Variants in TLX3 observed in about 807,000 individuals in gnomAD.
TLX3 encodes T cell leukemia homeobox 3, also known as T-cell leukemia homeobox protein 3.
In TLX3, 11 loss-of-function variants were observed where a neutral mutation model predicts 19.6. The ratio of observed to expected loss-of-function variants is 0.56; its 90% confidence interval spans 0.35 to 0.93. The LOEUF is 0.93. TLX3 is among the 40% of genes least tolerant of loss of function. The pLI is 0.01. For missense variants in TLX3, 375 were observed against 418.6 expected (o/e 0.90, Z 0.91); for synonymous variants, 221 against 188.1 (o/e 1.17, Z -1.43).
rs1015348665 is a variant in TLX3, at chr5:171,311,035, A to C, written c.666-354A>C. 1.3e-5 allele frequency among the ~76,000 whole-genome samples: 2 copies of C among 151,882 alleles called. No individual in the cohort carries two copies. Among genetic ancestry groups the C allele is most frequent in the African/African-American group, 4.8e-5 (2 of 41,340 alleles). The stretch of plus-strand genomic sequence containing the variant: ...GCAGAGCCAGCCTGCTCACCCGCGG[A>C]CCCCAGCGACCCCGGTTCCCGCAGG... On this transcript the variant is annotated intron_variant, in intron 2 of 2. Transcript: ENST00000296921. This position sits in a 1 kb window ranked among gnomAD's most constrained non-coding sequence, Gnocchi z 5.1.
At chr5:171,309,861 C>T in intron 1 of TLX3, 75 bp downstream of exon 1, 1 of 1,462,890 alleles carries the variant, frequency 6.8e-7, no homozygotes, top group Non-Finnish European at 9.0e-7. Flanking sequence ...GTGCGCTCCA[C>T]TCCCGGAAAC....
chr5:171,311,381 C>G lies in TLX3; in HGVS notation c.666-8C>G, dbSNP rs1446380804. The G allele has an allele frequency of 1.3e-6, 2 of 1,548,796 alleles. No homozygotes were observed. The highest frequency in any genetic ancestry group is 1.7e-6 in the Non-Finnish European group (2 of 1,146,786). On this transcript the variant is annotated splice_polypyrimidine_tract_variant and splice_region_variant and intron_variant, in intron 2 of 2. Coordinates refer to ENST00000296921, the MANE Select transcript of TLX3 (RefSeq NM_021025.4). This position sits in a 1 kb window ranked among gnomAD's most constrained non-coding sequence, Gnocchi z 5.1. ...GACGGTACTGTCCCTCTCCCTCCCC[C>G]GGTGCAGGCGGCAGACGGCGGAGGA...
At position 171,311,242 on chromosome 5, in the gene TLX3, G is replaced by C; in HGVS notation, c.666-147G>C. ...CCGGCTCCCTGGATATAAGAGCCTC[G>C]GGCGTAAAGCGCGGGCTGGGAGGCA... On this transcript the variant is annotated intron_variant, in intron 2 of 2. Transcript: ENST00000296921. The surrounding 1 kb of genome is among the most constrained non-coding windows in gnomAD (Gnocchi z 5.1). 1 of 641,116 alleles carries C rather than the reference G, an allele frequency of 1.6e-6. No individual in the cohort carries two copies. Among genetic ancestry groups the C allele is most frequent in the Non-Finnish European group, 2.6e-6 (1 of 377,782 alleles). The allele number at this position is 641,116 out of a possible 1,614,324, so 39.7% of individuals were successfully genotyped here. A position where few individuals can be genotyped will look rare whatever the true frequency, so the allele number is the denominator to read the frequency against.
chr5:171,309,409 C>T lies in TLX3; in HGVS notation c.44C>T (p.Pro15Leu). ...ASAQTPHPHE[P>L]ISFGIDQILN... ...GCGCAGACCCCGCACCCGCACGAGCCCATCAGCTTCGGCATCGACCAGATC... is the reference window on the plus strand; with the variant it reads ...GCGCAGACCCCGCACCCGCACGAGCTCATCAGCTTCGGCATCGACCAGATC... The change falls in exon 1 of 3, where the codon CCC becomes CTC. Residue 15 changes from proline to leucine, a missense_variant. Pro to Leu is a moderately conservative substitution (Grantham distance 98, BLOSUM62 -3). Coordinates refer to ENST00000296921, the MANE Select transcript of TLX3 (RefSeq NM_021025.4). 1 of 1,606,534 alleles carries T rather than the reference C, an allele frequency of 6.2e-7. No homozygotes were observed. The highest frequency in any genetic ancestry group is 8.5e-7 in the Non-Finnish European group (1 of 1,177,250).
rs1043913247 is a variant in TLX3 at position 171,311,783 on chromosome 5, G to C, written c.*184G>C. 1 of 420,996 alleles carries C rather than the reference G, an allele frequency of 2.4e-6. No individual in the cohort carries two copies. Among genetic ancestry groups the C allele is most frequent in the African/African-American group, 2.1e-5 (1 of 47,616 alleles). 26.1% of individuals were successfully genotyped at this position (420,996 alleles called of 1,614,324 possible). On this transcript the variant is annotated 3_prime_UTR_variant, in exon 3 of 3. Transcript: ENST00000296921. This position sits in a 1 kb window ranked among gnomAD's most constrained non-coding sequence, Gnocchi z 5.1. The stretch of plus-strand genomic sequence containing the variant: ...AGGGGGTAGGGCCCGAGCTCCGCGC[G>C]GCCGCACAATCCGAGCCCCCGCCCC...
In TLX3 at chr5:171,309,512, G is replaced by A. The variant is rs1769180004; in HGVS notation, c.147G>A (p.Gly49=). Residue 49 remains glycine, a synonymous_variant, in exon 1 of 3, where the codon GGG becomes GGA. Coordinates refer to ENST00000296921, the MANE Select transcript of TLX3 (RefSeq NM_021025.4). ...CCAGCTACCTGGGAGGGCCCCCCGGGGGCCGTCCGGGCGCCACATACCCGT... is the reference window on the plus strand; with the variant it reads ...CCAGCTACCTGGGAGGGCCCCCCGGAGGCCGTCCGGGCGCCACATACCCGT... The part of the protein sequence containing the change: ...DGASYLGGPP[G]GRPGATYPSL... 2 of 1,564,566 alleles carry A rather than the reference G, an allele frequency of 1.3e-6. No homozygotes were observed. Among genetic ancestry groups the A allele is most frequent in the Non-Finnish European group, 1.7e-6 (2 of 1,158,044 alleles).
Position 171,309,660 on chromosome 5 carries a change from G to T in TLX3, c.295G>T (p.Ala99Ser), listed in dbSNP as rs1229828811. Residue 99 changes from alanine to serine, a missense_variant, in exon 1 of 3, where the codon GCC (alanine) becomes TCC (serine). Physicochemically the swap from Ala to Ser is moderately conservative, Grantham distance 99. Coordinates refer to ENST00000296921, the MANE Select transcript of TLX3 (RefSeq NM_021025.4). Reference protein sequence around the residue: ...RVPAHRPLPGAVPPPLPSALP... With the variant: ...RVPAHRPLPGSVPPPLPSALP... ...GCCGGCGCACAGGCCGCTGCCCGGGGCCGTGCCACCGCCTCTGCCAAGCGC... is the reference window on the plus strand; with the variant it reads ...GCCGGCGCACAGGCCGCTGCCCGGGTCCGTGCCACCGCCTCTGCCAAGCGC... 1.2e-6 allele frequency: 2 copies of T among 1,608,490 alleles called. No homozygotes were observed. Among genetic ancestry groups the T allele is most frequent in the Admixed American group, 3.4e-5 (2 of 59,666 alleles).
Position 171,309,501 on chromosome 5 carries a change from G to A in TLX3, c.136G>A (p.Gly46Arg). The part of the protein sequence containing the change: ...RGPDGASYLG[G>R]PPGGRPGATY... ...CCCCGACGGCGCCAGCTACCTGGGA[G>A]GGCCCCCCGGGGGCCGTCCGGGCGC... The change falls in exon 1 of 3, where the codon GGG becomes AGG. Residue 46 changes from glycine to arginine, a missense_variant. By Grantham distance (125) the Gly-to-Arg change is moderately radical. Around this residue, in one of 3 missense-constraint regions of TLX3, gnomAD observed 239 missense variants for 217.0 expected, o/e 1.10. Transcript: ENST00000296921. 6.4e-7 allele frequency: 1 copy of A among 1,573,452 alleles called. No homozygotes were observed. The highest frequency in any genetic ancestry group is 1.1e-5 in the South Asian group (1 of 87,208).
rs905143008 is a variant in TLX3, at chr5:171,311,868, C to G, written c.*269C>G. 7 of 299,616 alleles carry G rather than the reference C, an allele frequency of 2.3e-5. No homozygotes were observed. The highest frequency in any genetic ancestry group is 9.0e-4 in the Middle Eastern group (1 of 1,114). The allele number at this position is 299,616 out of a possible 1,614,324, so 18.6% of individuals were successfully genotyped here. On this transcript the variant is annotated 3_prime_UTR_variant, in exon 3 of 3. Transcript: ENST00000296921. The surrounding 1 kb of genome is among the most constrained non-coding windows in gnomAD (Gnocchi z 5.1). ...GAAAGCGCCTTACGTTTCTCCGCCC[C>G]CCGCCCGCACCCCCCGGGCCGGGCG...
At position 171,310,257 on chromosome 5, in the gene TLX3, C is replaced by T; in HGVS notation, c.529C>T (p.Gln177Ter). 1 of 1,573,326 alleles carries T rather than the reference C, an allele frequency of 6.4e-7. No individual in the cohort carries two copies. Among genetic ancestry groups the T allele is most frequent in the Non-Finnish European group, 8.6e-7 (1 of 1,159,944 alleles). Reference sequence around the variant, plus strand: ...GCCGCGCACGTCCTTTTCCCGGGTGCAGATCTGCGAGCTGGAAAAGCGCTT... The same window carrying T: ...GCCGCGCACGTCCTTTTCCCGGGTGTAGATCTGCGAGCTGGAAAAGCGCTT... ...KKPRTSFSRV[Q>*]ICELEKRFHR... Residue 177 changes from glutamine to a stop codon, truncating the protein, a stop_gained, in exon 2 of 3, where the codon CAG becomes TAG. Coordinates refer to ENST00000296921, the MANE Select transcript of TLX3 (RefSeq NM_021025.4). LOFTEE classifies it high-confidence loss of function.
chr5:171,311,792 A>C lies in TLX3; in HGVS notation c.*193A>C. On this transcript the variant is annotated 3_prime_UTR_variant, in exon 3 of 3. Transcript: ENST00000296921. The surrounding 1 kb of genome is among the most constrained non-coding windows in gnomAD (Gnocchi z 5.1). ...GGCCCGAGCTCCGCGCGGCCGCACA[A>C]TCCGAGCCCCCGCCCCGCGCCCCGT... 5 of 388,304 alleles carry C rather than the reference A, an allele frequency of 1.3e-5. No homozygotes were observed. Among genetic ancestry groups the C allele is most frequent in the East Asian group, 8.0e-5 (2 of 24,970 alleles). The allele number at this position is 388,304 out of a possible 1,614,324, so 24.1% of individuals were successfully genotyped here.
At position 171,309,565 on chromosome 5, in the gene TLX3, G is replaced by A; in HGVS notation, c.200G>A (p.Gly67Asp). ...CTGCCCGCCTCCTTTGCGGGCCTCG[G>A]CGCGCCCTTCGAGGACGCGGGATCT... ...PSLPASFAGLGAPFEDAGSYS... is the reference protein window; with the variant it reads ...PSLPASFAGLDAPFEDAGSYS... Residue 67 changes from glycine (G) to aspartate (D), a missense_variant, in exon 1 of 3, where the codon GGC becomes GAC. Gly to Asp is a moderately conservative substitution (Grantham distance 94). This residue lies in a region of TLX3 where 239 missense variants were observed against 217.0 expected (regional missense o/e 1.10). Transcript: ENST00000296921. The A allele has an allele frequency of 6.3e-7, 1 of 1,586,334 alleles. No homozygotes were observed. The highest frequency in any genetic ancestry group is 8.6e-7 in the Non-Finnish European group (1 of 1,167,650).
intron 2 of TLX3, among the ~76,000 whole-genome samples, chr5:171,310,724 ACACACAGG>A (rs1446911161): frequency 2.1e-4 from 2 of 9,444 alleles, no homozygotes; most frequent in African/African-American, 7.0e-4. Context: ...CCCGCCCCAA[ACACACAGG>A]CACACACACA....
In TLX3 at chr5:171,309,767, C is replaced by T. The variant is rs1469964309; in HGVS notation, c.402C>T (p.Phe134=). 5.0e-6 allele frequency: 8 copies of T among 1,605,440 alleles called. No homozygotes were observed. Among genetic ancestry groups the T allele is most frequent in the Non-Finnish European group, 6.8e-6 (8 of 1,176,270 alleles). The change falls in exon 1 of 3, where the codon TTC becomes TTT. Residue 134 remains phenylalanine, a synonymous_variant. Transcript: ENST00000296921. ...CCTGGATGGAGAGCAGCCGCCGCTT[C>T]GTGAAAGACCGCTTCACAGGTGAGC... is the stretch of plus-strand genomic sequence containing the variant. ...NFPWMESSRR[F]VKDRFTAAAA...
At chr5:171,310,726 ACACAGG>A (rs1381532822) in intron 2 of TLX3, among the ~76,000 whole-genome samples, 31 of 10,244 alleles carry the variant, frequency 3.0e-3, no homozygotes, top group Admixed American at 0.029. Context: ...CGCCCCAAAC[ACACAGG>A]CACACACACA....
rs761603147 is a variant in TLX3, at chr5:171,309,768, G to A, written c.403G>A (p.Val135Met). The change falls in exon 1 of 3, where the codon GTG (valine) becomes ATG (methionine). Residue 135 changes from valine to methionine, a missense_variant. By Grantham distance (21) the Val-to-Met change is conservative (BLOSUM62 1). Around this residue, in one of 3 missense-constraint regions of TLX3, gnomAD observed 239 missense variants for 217.0 expected, o/e 1.10. Coordinates refer to ENST00000296921, the MANE Select transcript of TLX3 (RefSeq NM_021025.4). Reference sequence around the variant, plus strand: ...CTGGATGGAGAGCAGCCGCCGCTTCGTGAAAGACCGCTTCACAGGTGAGCA... The same window carrying A: ...CTGGATGGAGAGCAGCCGCCGCTTCATGAAAGACCGCTTCACAGGTGAGCA... ...FPWMESSRRF[V>M]KDRFTAAAAL... 1 of 1,605,416 alleles carries A rather than the reference G, an allele frequency of 6.2e-7. No homozygotes were observed. The highest frequency in any genetic ancestry group is 8.5e-7 in the Non-Finnish European group (1 of 1,176,260).
chr5:171,309,447 G>T lies in TLX3; in HGVS notation c.82G>T (p.Asp28Tyr). The change falls in exon 1 of 3, where the codon GAC becomes TAC. Residue 28 changes from aspartate to tyrosine, a missense_variant. Asp to Tyr is a radical substitution (Grantham distance 160). This residue lies in a region of TLX3 where 239 missense variants were observed against 217.0 expected (regional missense o/e 1.10). Transcript: ENST00000296921. Reference protein sequence around the residue: ...FGIDQILNSPDQDSAPAPRGP... With the variant: ...FGIDQILNSPYQDSAPAPRGP... ...CATCGACCAGATCCTTAACAGCCCG[G>T]ACCAGGACAGCGCACCCGCCCCGCG... 1 of 1,605,200 alleles carries T rather than the reference G, an allele frequency of 6.2e-7. No homozygotes were observed. The highest frequency in any genetic ancestry group is 1.4e-5 in the African/African-American group (1 of 73,860).
rs1769172588 is a variant in TLX3 at position 171,309,252 on chromosome 5, A to G, written c.-114A>G. The G allele has an allele frequency of 5.8e-6, 5 of 867,290 alleles. No individual in the cohort carries two copies. Among genetic ancestry groups the G allele is most frequent in the South Asian group, 5.6e-5 (3 of 53,308 alleles). 53.7% of individuals were successfully genotyped at this position (867,290 alleles called of 1,614,324 possible). A position where few individuals can be genotyped will look rare whatever the true frequency, so the allele number is the denominator to read the frequency against. Reference sequence around the variant, plus strand: ...GACACAGAGCCTGTCGGGCCCGCGCACTCTTGGCAAAGTTTCAGTGCGACG... The same window carrying G: ...GACACAGAGCCTGTCGGGCCCGCGCGCTCTTGGCAAAGTTTCAGTGCGACG... On this transcript the variant is annotated 5_prime_UTR_variant, in exon 1 of 3. Coordinates refer to ENST00000296921, the MANE Select transcript of TLX3 (RefSeq NM_021025.4).
Position 171,309,455 on chromosome 5 carries a change from C to T in TLX3, c.90C>T (p.Asp30=), listed in dbSNP as rs1223942956. The part of the protein sequence containing the change: ...IDQILNSPDQ[D]SAPAPRGPDG... ...AGATCCTTAACAGCCCGGACCAGGA[C>T]AGCGCACCCGCCCCGCGGGGCCCCG... is the stretch of plus-strand genomic sequence containing the variant. Residue 30 remains aspartate (D), a synonymous_variant, in exon 1 of 3, where the codon GAC becomes GAT. Coordinates refer to ENST00000296921, the MANE Select transcript of TLX3 (RefSeq NM_021025.4). 5.6e-6 allele frequency: 9 copies of T among 1,602,120 alleles called. No homozygotes were observed. The highest frequency in any genetic ancestry group is 7.7e-6 in the Non-Finnish European group (9 of 1,175,184).
Sources: allele counts gnomAD v4.1 joint callset (sites outside exome capture counted in the v4.1 genomes callset), GRCh38; gene constraint gnomAD v4.1.1; regional missense constraint gnomAD v4.1.1; non-coding constraint Gnocchi (gnomAD v3.1); transcripts MANE v1.5; gene names NCBI Gene and HGNC (gene_info 2026-07-23, HGNC 2026-07-21).